The following ERI1 variants were observed in gnomAD, a reference collection of about 807,000 sequenced individuals.
The protein encoded by ERI1 is 3'-5' exoribonuclease 1.
ERI1 carries 39 observed loss-of-function variants against 39.7 expected under a neutral mutation model. The ratio of observed to expected loss-of-function variants is 0.98; its 90% CI spans 0.76 to 1.28. The LOEUF is 1.28. Among genes scored for constraint, ERI1 ranks in the 50% most tolerant of loss-of-function variants. The pLI, the probability that ERI1 is intolerant of heterozygous loss-of-function variation, is 0.00. For synonymous variants in ERI1, 204 were observed against 149.6 expected (o/e 1.36, Z -2.65); for missense variants, 581 against 416.9 (o/e 1.39, Z -3.43).
chr8:9,049,599 G>A (rs968627423), intron 3 of ERI1, among the ~76,000 whole-genome samples: 8 of 151,780 alleles, frequency 5.3e-5, no homozygotes, highest in East Asian at 1.9e-4. Flanking sequence ...CTAACAGTGA[G>A]TCCCAATAAA....
intron 3 of ERI1, among the ~76,000 whole-genome samples, chr8:9,078,240 T>C (rs1234979950): frequency 1.3e-5 from 2 of 152,192 alleles, no homozygotes; most frequent in East Asian, 3.8e-4. Flanking sequence ...TCCACCCACT[T>C]TGGCCTTCCA....
intron 3 of ERI1, among the ~76,000 whole-genome samples, chr8:9,093,019 C>T (rs938578811): frequency 3.9e-5 from 6 of 152,226 alleles, no homozygotes; most frequent in African/African-American, 1.2e-4. Flanking sequence ...GTGCTGCTTT[C>T]CCCGTGTGAG....
At chr8:9,074,522 G>C (rs1370684947) in intron 3 of ERI1, among the ~76,000 whole-genome samples, 1 of 152,104 alleles carries the variant, frequency 6.6e-6, no homozygotes, top group Non-Finnish European at 1.5e-5. Context: ...GCTCACTGCA[G>C]CCTTGACCTC....
At chr8:9,048,170 T>C (rs1344167506) in intron 3 of ERI1, among the ~76,000 whole-genome samples, 2 of 152,244 alleles carry the variant, frequency 1.3e-5, no homozygotes, top group Non-Finnish European at 2.9e-5. Flanking sequence ...CTTGTCTGCG[T>C]ACTGGAGTCA....
At chr8:9,010,216 G>T (rs1301719431) in intron 2 of ERI1, among the ~76,000 whole-genome samples, 3 of 152,188 alleles carry the variant, frequency 2.0e-5, no homozygotes, top group South Asian at 4.1e-4. Flanking sequence ...TTTCTATCCA[G>T]AGCAACTAGT....
chr8:9,064,526 A>G (rs538724040), intron 3 of ERI1, among the ~76,000 whole-genome samples: 1 of 152,208 alleles, frequency 6.6e-6, no homozygotes, highest in Admixed American at 6.5e-5. Flanking sequence ...CTACCAGAAA[A>G]TGAAAGGAAT....
At chr8:9,004,336 G>A in intron 1 of ERI1, 13 of 1,078,456 alleles carry the variant, frequency 1.2e-5, no homozygotes, top group Non-Finnish European at 1.3e-5. Flanking sequence ...TTTATTTTTA[G>A]TAAAAGAAGT....
intron 3 of ERI1, among the ~76,000 whole-genome samples, chr8:9,054,371 T>C (rs1296817866): frequency 6.6e-6 from 1 of 152,232 alleles, no homozygotes; most frequent in Non-Finnish European, 1.5e-5. Flanking sequence ...TCTTCTCTTT[T>C]TTATACTTCT....
chr8:9,009,414 C>G (rs1036131047), intron 2 of ERI1, among the ~76,000 whole-genome samples: 7 of 152,094 alleles, frequency 4.6e-5, no homozygotes, highest in Non-Finnish European at 4.4e-5. Context: ...GAGGGTATTT[C>G]AGGCAAAAAA....
chr8:9,036,895 A>T (rs752889441), downstream of ERI1, among the ~76,000 whole-genome samples: 2 of 152,156 alleles, frequency 1.3e-5, no homozygotes, highest in Admixed American at 6.5e-5. Flanking sequence ...TATTTTTGTC[A>T]GTGGGACCAT....
At chr8:9,060,318 C>T (rs1798650328) in intron 3 of ERI1, among the ~76,000 whole-genome samples, 1 of 152,096 alleles carries the variant, frequency 6.6e-6, no homozygotes, top group Non-Finnish European at 1.5e-5. Flanking sequence ...TCTACCCATC[C>T]AGTGAAAGTG....
In ERI1 at chr8:9,025,702, T is replaced by TTGTGTG. The variant is rs771883402; in HGVS notation, c.808-4071_808-4066dup. ...GACTTTTCATTTTAATCTTTTTTTT[T>TTGTGTG]TGTGTGTGTGTGTGTGTGTGTGTGG... is the stretch of plus-strand genomic sequence containing the variant. On this transcript the variant is annotated intron_variant, in intron 6 of 6. Transcript: ENST00000250263. Among the ~76,000 whole-genome samples, 38 of 147,870 alleles carry TTGTGTG rather than the reference T, an allele frequency of 2.6e-4. No individual in the cohort carries two copies. The South Asian group carries it at 2.8e-3, about 11-fold the overall frequency.
chr8:9,089,872 G>T (rs1799649869), intron 3 of ERI1, among the ~76,000 whole-genome samples: 1 of 151,426 alleles, frequency 6.6e-6, no homozygotes, highest in Non-Finnish European at 1.5e-5. Context: ...GGTGGGAATG[G>T]AAATAAGATT....
At chr8:9,051,771 T>C (rs1798363639) in intron 3 of ERI1, among the ~76,000 whole-genome samples, 1 of 152,254 alleles carries the variant, frequency 6.6e-6, no homozygotes, top group African/African-American at 2.4e-5. Context: ...GTGTCCTATG[T>C]AGTTATACAT....
chr8:9,095,864 G>A (rs983316436), intron 3 of ERI1, among the ~76,000 whole-genome samples: 1 of 152,100 alleles, frequency 6.6e-6, no homozygotes, highest in African/African-American at 2.4e-5. Context: ...TCATCTGTAG[G>A]GGTGGGTCGG....
At position 9,033,053 on chromosome 8, in the gene ERI1, T is replaced by C. The variant is rs1797700732; in HGVS notation, c.*3019T>C. Reference sequence around the variant, plus strand: ...CAGCGTTGATACATGAAGGACAGCATTACATCTTTTTTCTATTATACTTAG... The same window carrying C: ...CAGCGTTGATACATGAAGGACAGCACTACATCTTTTTTCTATTATACTTAG... On this transcript the variant is annotated 3_prime_UTR_variant, in exon 7 of 7. Coordinates refer to ENST00000250263, the MANE Select transcript of ERI1 (RefSeq NM_153332.4). 1 of 152,162 alleles carries C rather than the reference T, an allele frequency of 6.6e-6. No homozygotes were observed. The highest frequency in any genetic ancestry group is 1.5e-5 in the Non-Finnish European group (1 of 68,014). 9.4% of individuals were successfully genotyped at this position (152,162 alleles called of 1,614,324 possible). A position where few individuals can be genotyped will look rare whatever the true frequency, so the allele number is the denominator to read the frequency against.
chr8:9,013,582 G>A (rs1299574280), intron 3 of ERI1, among the ~76,000 whole-genome samples: 1 of 151,868 alleles, frequency 6.6e-6, no homozygotes, highest in Non-Finnish European at 1.5e-5. Context: ...ATCTTATCTA[G>A]TTCCATAGCT....
intron 3 of ERI1, among the ~76,000 whole-genome samples, chr8:9,086,394 AC>A (rs1431280327): frequency 1.3e-5 from 2 of 152,024 alleles, no homozygotes; most frequent in African/African-American, 4.8e-5. Flanking sequence ...TACAAAAAAT[AC>A]AAAAACTAGA....
intron 3 of ERI1, among the ~76,000 whole-genome samples, chr8:9,041,352 G>A (rs1182564792): frequency 1.3e-5 from 2 of 152,148 alleles, no homozygotes; most frequent in African/African-American, 4.8e-5. Context: ...AGGAGGGGGA[G>A]CTTTTAAAAA....
Sources: allele counts gnomAD v4.1 joint callset (sites outside exome capture counted in the v4.1 genomes callset), GRCh38; gene constraint gnomAD v4.1.1; transcripts MANE v1.5; gene names NCBI Gene and HGNC (gene_info 2026-07-23, HGNC 2026-07-21).